Variants in TMEM63C observed in about 807,000 individuals in gnomAD.
TMEM63C encodes the protein transmembrane protein 63C.
A neutral mutation model predicts 99.2 loss-of-function variants in TMEM63C; 32 were observed. The observed-to-expected ratio is 0.32, with a 90% CI of 0.24 to 0.43. The LOEUF (loss-of-function observed/expected upper bound fraction) is 0.43, where lower values mean the gene tolerates loss of function less well. TMEM63C is among the 20% of genes least tolerant of loss of function. TMEM63C has a pLI of 1.00. For missense variants in TMEM63C, 826 were observed against 1,053.0 expected, an observed-to-expected ratio of 0.78 and a Z score of 2.98; for synonymous variants, 376 against 397.9, an observed-to-expected ratio of 0.94 and a Z score of 0.66.
intron 23 of TMEM63C, among the ~76,000 whole-genome samples, chr14:77,254,855 C>G (rs1347937035): frequency 6.6e-6 from 1 of 152,294 alleles, no homozygotes; most frequent in East Asian, 1.9e-4. Flanking sequence ...AGTCCATATT[C>G]CCACCACCCA....
chr14:77,210,967 C>T (rs1404352847), intron 1 of TMEM63C, among the ~76,000 whole-genome samples: 1 of 152,108 alleles, frequency 6.6e-6, no homozygotes, highest in African/African-American at 2.4e-5. Flanking sequence ...CTAATCCAAA[C>T]CAAAACACAT....
intron 20 of TMEM63C, 63 bp downstream of exon 20, chr14:77,248,935 C>T: frequency 7.0e-7 from 1 of 1,426,050 alleles, no homozygotes; most frequent in East Asian, 2.3e-5. Flanking sequence ...AGGAATTGAG[C>T]CTCACAACAT....
chr14:77,193,730 A>T (rs1348334392), intron 1 of TMEM63C, among the ~76,000 whole-genome samples: 2 of 152,060 alleles, frequency 1.3e-5, no homozygotes, highest in African/African-American at 4.8e-5. Flanking sequence ...GCTACTCGGG[A>T]GGCTGAGGCA....
At chr14:77,196,702 T>C (rs1888220178) in intron 1 of TMEM63C, among the ~76,000 whole-genome samples, 1 of 152,236 alleles carries the variant, frequency 6.6e-6, no homozygotes, top group African/African-American at 2.4e-5. Flanking sequence ...CTGCTAGAGC[T>C]AGGGATCTTA....
At chr14:77,194,540 TC>T (rs1204462127) in intron 1 of TMEM63C, among the ~76,000 whole-genome samples, 78 of 3,212 alleles carry the variant, frequency 0.024, no homozygotes, top group Middle Eastern at 0.12. Context: ...TTTCTTTCTT[TC>T]TTTCTTTCTT....
chr14:77,215,277 G>C (rs1249695641), intron 2 of TMEM63C, among the ~76,000 whole-genome samples: 2 of 151,950 alleles, frequency 1.3e-5, no homozygotes, highest in Non-Finnish European at 2.9e-5. Flanking sequence ...CTCACACTGG[G>C]CTGAGACCTC....
intron 1 of TMEM63C, among the ~76,000 whole-genome samples, chr14:77,190,937 T>C (rs1172082469): frequency 6.6e-6 from 1 of 152,156 alleles, no homozygotes; most frequent in African/African-American, 2.4e-5. Context: ...TTATCAAAAT[T>C]GTAGACGGTA....
At chr14:77,188,115 A>G (rs1288899463) in intron 1 of TMEM63C, among the ~76,000 whole-genome samples, 1 of 152,000 alleles carries the variant, frequency 6.6e-6, no homozygotes, top group Non-Finnish European at 1.5e-5. Context: ...CCTTATCCCT[A>G]TCCTCATCTG....
rs539651023 is a variant in TMEM63C at position 77,250,599 on chromosome 14, C to T, written c.2038+1141C>T. 2.0e-4 allele frequency among the ~76,000 whole-genome samples: 31 copies of T among 152,076 alleles called. No homozygotes were observed. In the South Asian group the frequency reaches 6.4e-3, roughly 32 times the overall value. ...GGACTACAGGCGGGTGCCACCACGC[C>T]CCGCTAATTTTTTGTATTTTAGTAG... On this transcript the variant is annotated intron_variant, in intron 21 of 23. Coordinates refer to ENST00000298351, the MANE Select transcript of TMEM63C (RefSeq NM_020431.4).
In TMEM63C at chr14:77,242,544, C is replaced by T. The variant is rs1223665180; in HGVS notation, c.1187+75C>T. On this transcript the variant is annotated intron_variant, in intron 14 of 23. Transcript: ENST00000298351. Reference sequence around the variant, plus strand: ...AGAAGGCAGCAGGACAGGGCCTTCTCTCCCCATGTCATTGCCCAACAGAGA... The same window carrying T: ...AGAAGGCAGCAGGACAGGGCCTTCTTTCCCCATGTCATTGCCCAACAGAGA... 103 of 1,551,830 alleles carry T rather than the reference C, an allele frequency of 6.6e-5. 1 individual carries two copies. In the Admixed American group the frequency reaches 1.6e-3, roughly 25 times the overall value.
chr14:77,237,761 G>T (rs1399490926), intron 9 of TMEM63C, among the ~76,000 whole-genome samples: 1 of 152,214 alleles, frequency 6.6e-6, no homozygotes, highest in African/African-American at 2.4e-5. Context: ...ACTGACGGGG[G>T]GCCACGGGCA....
chr14:77,249,213 A>G (rs1889316102), intron 20 of TMEM63C, 78 bp from the exon 21 acceptor site: 1 of 1,470,384 alleles, frequency 6.8e-7, no homozygotes, highest in East Asian at 2.3e-5. Context: ...CTGGCTTCTC[A>G]GGCCTGTGGA....
In TMEM63C at chr14:77,238,898, A is replaced by C. The variant is rs985024708; in HGVS notation, c.725+131A>C. On this transcript the variant is annotated intron_variant, in intron 10 of 23. Coordinates refer to ENST00000298351, the MANE Select transcript of TMEM63C (RefSeq NM_020431.4). Reference sequence around the variant, plus strand: ...CCCCGGGGTGGCTCTCCCTGGACTCAGCTCAGGATCAGCTTTTTAGAATGG... The same window carrying C: ...CCCCGGGGTGGCTCTCCCTGGACTCCGCTCAGGATCAGCTTTTTAGAATGG... The C allele has an allele frequency of 2.5e-5, 17 of 684,766 alleles. No individual in the cohort carries two copies. In the African/African-American group the frequency reaches 3.1e-4, roughly 12 times the overall value. 42.4% of individuals were successfully genotyped at this position (684,766 alleles called of 1,614,324 possible). A position where few individuals can be genotyped will look rare whatever the true frequency, so the allele number is the denominator to read the frequency against.
rs142403616 is a variant in TMEM63C, at chr14:77,258,124, G to A, written c.*1398G>A. On this transcript the variant is annotated 3_prime_UTR_variant, in exon 24 of 24. Transcript: ENST00000298351. ...CGTGCAGCCCAGCCAGGGAGGACAT[G>A]AGAAGGGCCAGTGGGGGCCTCAATG... 5.8e-3 allele frequency: 884 copies of A among 152,686 alleles called. 1 individual carries two copies. Among genetic ancestry groups the A allele is most frequent in the Non-Finnish European group, 9.8e-3 (671 of 68,314 alleles). The allele number at this position is 152,686 out of a possible 1,614,324, so 9.5% of individuals were successfully genotyped here. A position where few individuals can be genotyped will look rare whatever the true frequency, so the allele number is the denominator to read the frequency against.
At chr14:77,214,943 T>C (rs1357556370) in intron 2 of TMEM63C, among the ~76,000 whole-genome samples, 4 of 152,184 alleles carry the variant, frequency 2.6e-5, no homozygotes, top group Non-Finnish European at 4.4e-5. Flanking sequence ...TCTTGCATCT[T>C]ATTTCTCTCC....
At chr14:77,248,611 C>A in intron 19 of TMEM63C, 102 bp downstream of exon 19, 1 of 1,509,432 alleles carries the variant, frequency 6.6e-7, no homozygotes, top group Non-Finnish European at 9.0e-7. Context: ...GTGGGAGGGA[C>A]GGTGTGGATG....
intron 17 of TMEM63C, 65 bp downstream of exon 17, chr14:77,246,091 T>C (rs773194400): frequency 6.3e-6 from 8 of 1,265,808 alleles, no homozygotes; most frequent in Non-Finnish European, 9.3e-6. Flanking sequence ...ACCTCCTCTT[T>C]CAGATACTGT....
At chr14:77,194,783 T>C (rs1009506905) in intron 1 of TMEM63C, among the ~76,000 whole-genome samples, 5 of 151,624 alleles carry the variant, frequency 3.3e-5, no homozygotes, top group African/African-American at 9.7e-5. Context: ...GTTTTTGCCA[T>C]GTTGCCGAAG....
intron 13 of TMEM63C, among the ~76,000 whole-genome samples, chr14:77,241,522 G>A (rs1388619266): frequency 2.0e-5 from 3 of 152,064 alleles, no homozygotes; most frequent in Non-Finnish European, 4.4e-5. Flanking sequence ...TCTTCTTTCT[G>A]GGGGAGGCTG....
Sources: allele counts gnomAD v4.1 joint callset (sites outside exome capture counted in the v4.1 genomes callset), GRCh38; gene constraint gnomAD v4.1.1; transcripts MANE v1.5; gene names NCBI Gene and HGNC (gene_info 2026-07-23, HGNC 2026-07-21).